Variants in CAST observed in about 807,000 individuals in gnomAD.
CAST encodes the protein MIR583 host.
Under a neutral mutation model 119.6 loss-of-function variants are expected in CAST, and 76 were observed. The observed-to-expected ratio is 0.64, with a 90% confidence interval of 0.53 to 0.77. CAST has a LOEUF of 0.77. CAST is among the 30% of genes least tolerant of loss of function. The pLI, the probability that CAST is intolerant of heterozygous loss-of-function variation, is 0.00. For missense variants in CAST, 953 were observed against 946.5 expected (o/e 1.01, Z -0.09); for synonymous variants, 319 against 331.6 (o/e 0.96, Z 0.41).
chr5:96,420,990 G>T, the CAST span, among the ~76,000 whole-genome samples: 3 of 152,232 alleles, frequency 2.0e-5, no homozygotes, highest in Non-Finnish European at 4.4e-5. Context: ...TTTGGTGCAA[G>T]TCTCTTCTGT....
the CAST span, among the ~76,000 whole-genome samples, chr5:96,497,796 T>A: frequency 1.5e-4 from 23 of 152,362 alleles, no homozygotes; most frequent in African/African-American, 5.0e-4. Context: ...AAAAATTTTC[T>A]CCCCTTCTGC....
chr5:96,222,045 T>C, the CAST span, among the ~76,000 whole-genome samples: 2 of 152,140 alleles, frequency 1.3e-5, no homozygotes, highest in Non-Finnish European at 2.9e-5. Context: ...TTGGGAAAAT[T>C]AGATATCCAT....
chr5:96,534,714 GGAGA>G (rs1233360638), intron 1 of CAST, among the ~76,000 whole-genome samples: 8 of 13,996 alleles, frequency 5.7e-4, no homozygotes, highest in African/African-American at 1.3e-3. Context: ...AAGGAAGGAA[GGAGA>G]GAGAGAGAGA....
At chr5:96,412,853 G>T in the CAST span, 8 of 637,318 alleles carry the variant, frequency 1.3e-5, no homozygotes, top group South Asian at 3.2e-4. Flanking sequence ...TGGATGAGAG[G>T]AAGTGGCCGT....
the CAST span, among the ~76,000 whole-genome samples, chr5:96,293,723 C>T: frequency 6.6e-6 from 1 of 152,074 alleles, no homozygotes; most frequent in Non-Finnish European, 1.5e-5. Context: ...GCCTCATCGT[C>T]ATATAGTGAT....
At chr5:96,359,553 G>C in the CAST span, among the ~76,000 whole-genome samples, 15 of 152,198 alleles carry the variant, frequency 9.9e-5, no homozygotes, top group Non-Finnish European at 2.1e-4. Flanking sequence ...CTCAGCATTT[G>C]CTTGTCTGTA....
At chr5:96,380,733 G>A in the CAST span, among the ~76,000 whole-genome samples, 5 of 152,166 alleles carry the variant, frequency 3.3e-5, no homozygotes, top group African/African-American at 1.2e-4. Flanking sequence ...GTTTTATTAT[G>A]AAATTAGGAA....
At chr5:96,519,979 A>G in the CAST span, among the ~76,000 whole-genome samples, 2 of 152,202 alleles carry the variant, frequency 1.3e-5, no homozygotes, top group Non-Finnish European at 1.5e-5. Flanking sequence ...TCACTGTGTT[A>G]TATGAATGTT....
the CAST span, among the ~76,000 whole-genome samples, chr5:96,121,871 C>G: frequency 1.3e-5 from 2 of 152,070 alleles, no homozygotes; most frequent in East Asian, 3.9e-4. Context: ...CCCCTGCCCA[C>G]CCCTGCTCTT....
the CAST span, among the ~76,000 whole-genome samples, chr5:96,282,435 C>T: frequency 6.6e-6 from 1 of 152,250 alleles, no homozygotes; most frequent in Non-Finnish European, 1.5e-5. Context: ...ATTAGCTAGG[C>T]AATGAGATGT....
At chr5:96,531,360 G>A (rs1425967048) in intron 1 of CAST, among the ~76,000 whole-genome samples, 3 of 152,062 alleles carry the variant, frequency 2.0e-5, no homozygotes, top group Non-Finnish European at 4.4e-5. Flanking sequence ...CAGGGAGATT[G>A]ATTGGAAGGG....
At chr5:96,418,371 T>A in the CAST span, among the ~76,000 whole-genome samples, 1 of 152,248 alleles carries the variant, frequency 6.6e-6, no homozygotes, top group Non-Finnish European at 1.5e-5. Flanking sequence ...GTTTAAATAC[T>A]ACCCTTATTC....
rs1264091980 is a variant in CAST at position 96,772,962 on chromosome 5, C to T, written c.*346C>T. 1 of 153,844 alleles carries T rather than the reference C, an allele frequency of 6.5e-6. No homozygotes were observed. The highest frequency in any genetic ancestry group is 1.5e-5 in the Non-Finnish European group (1 of 68,008). The allele number at this position is 153,844 out of a possible 1,614,324, so 9.5% of individuals were successfully genotyped here. Reference sequence around the variant, plus strand: ...AAGAAAAGCTAAGTGAATTTTTGCACATTCTACACACAGTGCCTGTAAATC... The same window carrying T: ...AAGAAAAGCTAAGTGAATTTTTGCATATTCTACACACAGTGCCTGTAAATC... On this transcript the variant is annotated 3_prime_UTR_variant, in exon 32 of 32. Coordinates refer to ENST00000675179, the MANE Select transcript of CAST (RefSeq NM_001750.7).
intron 1 of CAST, among the ~76,000 whole-genome samples, chr5:96,560,805 G>A (rs1351339095): frequency 6.6e-6 from 1 of 152,114 alleles, no homozygotes; most frequent in Non-Finnish European, 1.5e-5. Context: ...GATTCCTCAG[G>A]GATCTGGAAC....
At chr5:96,259,947 G>A in the CAST span, among the ~76,000 whole-genome samples, 7 of 149,936 alleles carry the variant, frequency 4.7e-5, no homozygotes, top group South Asian at 2.1e-4. Context: ...AAAGCCCTGC[G>A]TGAATACTTT....
the CAST span, among the ~76,000 whole-genome samples, chr5:96,467,912 C>A: frequency 0.53 from 80,300 of 151,696 alleles, 23,003 homozygotes; most frequent in African/African-American, 0.76. Flanking sequence ...AAAAGTCATT[C>A]TATTAAAAAG....
At chr5:96,360,432 C>A in the CAST span, among the ~76,000 whole-genome samples, 1 of 152,118 alleles carries the variant, frequency 6.6e-6, no homozygotes, top group Non-Finnish European at 1.5e-5. Flanking sequence ...GAATTTTCAG[C>A]CATTTTGCAC....
chr5:96,617,900 G>C (rs1463016280), intron 1 of CAST, among the ~76,000 whole-genome samples: 1 of 149,462 alleles, frequency 6.7e-6, no homozygotes, highest in Non-Finnish European at 1.5e-5. Flanking sequence ...GTTCTATCTG[G>C]TGTCTTAAGG....
At chr5:96,118,849 A>C in the CAST span, among the ~76,000 whole-genome samples, 77 of 149,474 alleles carry the variant, frequency 5.2e-4, 1 homozygote, top group Non-Finnish European at 2.1e-4. Flanking sequence ...CAGTTACTTC[A>C]TTGCTTAAGT....
Sources: allele counts gnomAD v4.1 joint callset (sites outside exome capture counted in the v4.1 genomes callset), GRCh38; gene constraint gnomAD v4.1.1; transcripts MANE v1.5; gene names NCBI Gene and HGNC (gene_info 2026-07-23, HGNC 2026-07-21).